The following NEK6 variants were observed in gnomAD, a reference collection of about 807,000 sequenced individuals.
NEK6 encodes serine/threonine-protein kinase Nek6.
Under a neutral mutation model 43.5 loss-of-function variants are expected in NEK6, and 27 were observed. That is an observed-to-expected ratio of 0.62 (90% CI 0.46 to 0.86). NEK6 has a LOEUF of 0.86. NEK6 is among the 40% of genes least tolerant of loss of function. The pLI is 0.00. For synonymous variants in NEK6, 167 were observed against 164.1 expected (o/e 1.02, Z -0.14); for missense variants, 318 against 414.4 (o/e 0.77, Z 2.02).
intron 4 of NEK6, among the ~76,000 whole-genome samples, chr9:124,314,859 C>T (rs1833737171): frequency 6.6e-6 from 1 of 152,150 alleles, no homozygotes; most frequent in Non-Finnish European, 1.5e-5. Context: ...AGCGTTTCAC[C>T]ATGTTGACCA....
chr9:124,327,510 A>C, intron 7 of NEK6, 65 bp downstream of exon 7: 1 of 1,235,276 alleles, frequency 8.1e-7, no homozygotes, highest in South Asian at 1.2e-5. Context: ...AGGGAGACGC[A>C]AACATTCTCC....
At chr9:124,299,844 G>A (rs966080813) in intron 1 of NEK6, 1 of 152,072 alleles carries the variant, frequency 6.6e-6, no homozygotes, top group Non-Finnish European at 1.5e-5. Flanking sequence ...AGTTGGTTGA[G>A]TTTCTGCAGC....
chr9:124,274,588 C>T (rs568219735), intron 1 of NEK6, among the ~76,000 whole-genome samples: 28 of 152,308 alleles, frequency 1.8e-4, no homozygotes, highest in East Asian at 1.9e-4. Flanking sequence ...ACTCACAGTC[C>T]GGGTACCTGT....
intron 7 of NEK6, among the ~76,000 whole-genome samples, chr9:124,328,374 G>A (rs1016412586): frequency 1.3e-5 from 2 of 152,172 alleles, no homozygotes; most frequent in African/African-American, 4.8e-5. Flanking sequence ...AGAGGCCCAT[G>A]GAGTGGGCGA....
chr9:124,284,702 A>G (rs890772651), intron 1 of NEK6, among the ~76,000 whole-genome samples: 2 of 152,174 alleles, frequency 1.3e-5, no homozygotes, highest in Non-Finnish European at 2.9e-5. Flanking sequence ...TGTGGAGGGA[A>G]GAATGTGTGT....
At chr9:124,286,628 C>T (rs946973460) in intron 1 of NEK6, 1 of 152,344 alleles carries the variant, frequency 6.6e-6, no homozygotes, top group Non-Finnish European at 1.5e-5. Flanking sequence ...GCACTTTTCT[C>T]GCTCTCCTGT....
intron 1 of NEK6, among the ~76,000 whole-genome samples, chr9:124,278,452 T>C (rs115209512): frequency 0.014 from 2,103 of 152,218 alleles, 47 homozygotes; most frequent in African/African-American, 0.049. Flanking sequence ...CCGGGTGTCG[T>C]TTTCCGTGGA....
intron 1 of NEK6, among the ~76,000 whole-genome samples, chr9:124,272,913 C>T (rs1485594887): frequency 1.3e-5 from 2 of 152,202 alleles, no homozygotes; most frequent in Non-Finnish European, 2.9e-5. Context: ...AACCACTCTG[C>T]CCTAGTGTGA....
intron 1 of NEK6, among the ~76,000 whole-genome samples, chr9:124,296,695 C>T (rs1221844288): frequency 1.3e-5 from 2 of 152,228 alleles, no homozygotes; most frequent in African/African-American, 4.8e-5. Flanking sequence ...TGCCCCCAAA[C>T]CTGCTCCAAG....
intron 7 of NEK6, among the ~76,000 whole-genome samples, chr9:124,329,918 G>A (rs1022650473): frequency 6.6e-6 from 1 of 152,266 alleles, no homozygotes; most frequent in Non-Finnish European, 1.5e-5. Flanking sequence ...TGTGCGTGGG[G>A]ATGAATTATG....
At chr9:124,348,505 T>C (rs944508766) in intron 9 of NEK6, among the ~76,000 whole-genome samples, 4 of 152,176 alleles carry the variant, frequency 2.6e-5, no homozygotes, top group Non-Finnish European at 1.5e-5. Context: ...AAAGTGTAGA[T>C]ACATGTTCAC....
intron 7 of NEK6, among the ~76,000 whole-genome samples, chr9:124,327,992 T>C (rs1340858344): frequency 6.6e-6 from 1 of 152,120 alleles, no homozygotes; most frequent in Non-Finnish European, 1.5e-5. Context: ...GCGGCTGAGC[T>C]TGGCTTTGCC....
intron 8 of NEK6, among the ~76,000 whole-genome samples, chr9:124,345,903 G>A (rs1427062329): frequency 6.6e-6 from 1 of 152,188 alleles, no homozygotes; most frequent in Non-Finnish European, 1.5e-5. Flanking sequence ...CACCTGGGTG[G>A]TGCATTTGGC....
intron 1 of NEK6, among the ~76,000 whole-genome samples, chr9:124,258,704 G>A (rs981357233): frequency 6.6e-6 from 1 of 152,224 alleles, no homozygotes; most frequent in Admixed American, 6.5e-5. Flanking sequence ...GGCCTGGCAT[G>A]GGCTGGGGGT....
At position 124,275,896 on chromosome 9, in the gene NEK6, C is replaced by T. The variant is rs934502308; in HGVS notation, c.-30+17811C>T. On this transcript the variant is annotated intron_variant, in intron 1 of 9. Transcript: ENST00000320246. This position sits in a 1 kb window ranked among gnomAD's most constrained non-coding sequence, Gnocchi z 4.4. ...CCTTTTCTGGGGACAGATAGGTCAG[C>T]GGGACGGATGGAACCAGCTCTGTGA... Among the ~76,000 whole-genome samples, 2 of 152,220 alleles carry T rather than the reference C, an allele frequency of 1.3e-5. No homozygotes were observed. The highest frequency in any genetic ancestry group is 4.8e-5 in the African/African-American group (2 of 41,462).
At chr9:124,348,612 G>A (rs1266427770) in intron 9 of NEK6, among the ~76,000 whole-genome samples, 2 of 151,954 alleles carry the variant, frequency 1.3e-5, no homozygotes, top group Non-Finnish European at 2.9e-5. Context: ...TTCCACACAG[G>A]ATCAGCATAA....
intron 1 of NEK6, among the ~76,000 whole-genome samples, chr9:124,294,088 G>T (rs918128263): frequency 1.3e-5 from 2 of 152,238 alleles, no homozygotes. Flanking sequence ...GACTATGGCT[G>T]GGCATGGTGG....
intron 1 of NEK6, among the ~76,000 whole-genome samples, chr9:124,296,618 G>A (rs1449206646): frequency 6.6e-6 from 1 of 152,206 alleles, no homozygotes; most frequent in East Asian, 1.9e-4. Flanking sequence ...AAGGAGAGGT[G>A]TAAGATCCAG....
At chr9:124,318,538 A>G (rs1232783534) in intron 4 of NEK6, among the ~76,000 whole-genome samples, 2 of 152,188 alleles carry the variant, frequency 1.3e-5, no homozygotes, top group East Asian at 1.9e-4. Flanking sequence ...CACCCAGCCT[A>G]TTGTGGTTTT....
Sources: allele counts gnomAD v4.1 joint callset (sites outside exome capture counted in the v4.1 genomes callset), GRCh38; gene constraint gnomAD v4.1.1; non-coding constraint Gnocchi (gnomAD v3.1); transcripts MANE v1.5; gene names NCBI Gene and HGNC (gene_info 2026-07-23, HGNC 2026-07-21).